Variants in UTRN observed in about 807,000 individuals in gnomAD.
UTRN encodes the protein dystrophin-related protein 1.
Under a neutral mutation model 463.9 loss-of-function variants are expected in UTRN, and 283 were observed. The observed-to-expected ratio is 0.61, with a 90% CI of 0.55 to 0.67. The LOEUF (loss-of-function observed/expected upper bound fraction) is 0.67. Ranked by LOEUF, UTRN falls within the 30% of genes least tolerant of loss-of-function variation. UTRN has a pLI of 0.00. For missense variants in UTRN, 3,922 were observed against 4,084.3 expected (o/e 0.96, Z 1.08); for synonymous variants, 1,442 against 1,431.5 (o/e 1.01, Z -0.17).
At chr6:144,740,842 T>A (rs1187254832) in intron 54 of UTRN, among the ~76,000 whole-genome samples, 2 of 152,258 alleles carry the variant, frequency 1.3e-5, no homozygotes, top group Non-Finnish European at 2.9e-5. Flanking sequence ...ATTTGTTTGA[T>A]AGACATAGCA....
At chr6:144,431,504 C>T (rs1424603021) in intron 9 of UTRN, among the ~76,000 whole-genome samples, 1 of 152,220 alleles carries the variant, frequency 6.6e-6, no homozygotes, top group Non-Finnish European at 1.5e-5. Context: ...ACTTCTTCTG[C>T]CCTGTTCTTT....
intron 73 of UTRN, among the ~76,000 whole-genome samples, chr6:144,846,503 T>C (rs1252131716): frequency 3.9e-5 from 6 of 152,216 alleles, no homozygotes; most frequent in African/African-American, 4.8e-5. Flanking sequence ...ATACACAGTA[T>C]GATTTAAATA....
intron 23 of UTRN, among the ~76,000 whole-genome samples, chr6:144,467,871 A>G (rs1790117319): frequency 6.6e-6 from 1 of 152,108 alleles, no homozygotes; most frequent in African/African-American, 2.4e-5. Flanking sequence ...ATTAGTTTTT[A>G]ATAAGTGTAG....
intron 54 of UTRN, among the ~76,000 whole-genome samples, chr6:144,741,427 G>T (rs1790064357): frequency 6.6e-6 from 1 of 152,160 alleles, no homozygotes; most frequent in African/African-American, 2.4e-5. Context: ...TCTAGTTAAA[G>T]ATATTGTACA....
intron 53 of UTRN, among the ~76,000 whole-genome samples, chr6:144,703,194 T>G (rs1784760788): frequency 6.6e-6 from 1 of 152,126 alleles, no homozygotes; most frequent in Non-Finnish European, 1.5e-5. Flanking sequence ...ATGTCAGAAG[T>G]CAAAGATTTT....
At chr6:144,435,803 T>A (rs1320744409) in intron 9 of UTRN, 132 bp from the exon 10 acceptor site, 1 of 896,790 alleles carries the variant, frequency 1.1e-6, no homozygotes. Flanking sequence ...CAGTGCCCAT[T>A]TGGCTCCTGA....
intron 51 of UTRN, 101 bp from the exon 52 acceptor site, chr6:144,678,305 A>G: frequency 8.9e-7 from 1 of 1,119,170 alleles, no homozygotes; most frequent in Non-Finnish European, 1.2e-6. Context: ...CTTATAATTT[A>G]AGGTGAAATG....
intron 2 of UTRN, among the ~76,000 whole-genome samples, chr6:144,362,044 A>C (rs1253195833): frequency 4.6e-5 from 7 of 152,128 alleles, no homozygotes; most frequent in African/African-American, 1.7e-4. Context: ...CAACAACAAC[A>C]AAAAAAGGAG....
In UTRN at chr6:144,428,894, G is replaced by T; in HGVS notation, c.694+1G>T. ...ATTGAAAAGCTGTTAGATCCTGAAG[G>T]TATTGTCCAGTATTTAATTTCCACC... On this transcript the variant is annotated splice_donor_variant, in intron 8 of 74. Transcript: ENST00000367545. LOFTEE classifies it high-confidence loss of function. 1 of 1,562,766 alleles carries T rather than the reference G, an allele frequency of 6.4e-7. No individual in the cohort carries two copies. The highest frequency in any genetic ancestry group is 8.7e-7 in the Non-Finnish European group (1 of 1,148,808).
intron 2 of UTRN, among the ~76,000 whole-genome samples, chr6:144,384,570 A>G (rs969753450): frequency 5.9e-5 from 9 of 151,656 alleles, no homozygotes; most frequent in African/African-American, 2.2e-4. Context: ...TTAAACAACA[A>G]CTCCTCACTC....
chr6:144,368,173 G>A (rs775631111), intron 2 of UTRN, among the ~76,000 whole-genome samples: 5 of 152,120 alleles, frequency 3.3e-5, no homozygotes, highest in Non-Finnish European at 7.4e-5. Context: ...CTCATAAAAA[G>A]CCATGGTACA....
At chr6:144,532,170 G>T (rs950611833) in intron 42 of UTRN, among the ~76,000 whole-genome samples, 2 of 151,728 alleles carry the variant, frequency 1.3e-5, no homozygotes, top group Non-Finnish European at 2.9e-5. Flanking sequence ...ATGTGTTAAT[G>T]CATTTTTCTT....
chr6:144,329,111 C>T (rs370965408), intron 2 of UTRN, among the ~76,000 whole-genome samples: 41 of 130,400 alleles, frequency 3.1e-4, no homozygotes, highest in Middle Eastern at 5.9e-3. Context: ...GAGATGGAGT[C>T]TCACTCTGTC....
chr6:144,559,010 A>G (rs1203880930), intron 50 of UTRN, among the ~76,000 whole-genome samples: 1 of 152,124 alleles, frequency 6.6e-6, no homozygotes, highest in Non-Finnish European at 1.5e-5. Context: ...AATTCCATGT[A>G]TAAGAGTTAG....
intron 9 of UTRN, among the ~76,000 whole-genome samples, chr6:144,431,619 T>C (rs76574197): frequency 0.019 from 2,885 of 152,260 alleles, 49 homozygotes; most frequent in African/African-American, 0.051. Flanking sequence ...GTCTGAACAT[T>C]TGTGTTTAGA....
At chr6:144,659,634 T>C (rs908939298) in intron 51 of UTRN, among the ~76,000 whole-genome samples, 4 of 152,054 alleles carry the variant, frequency 2.6e-5, no homozygotes, top group Non-Finnish European at 5.9e-5. Context: ...TCCTGTGTTT[T>C]GGTGTTTCTT....
intron 73 of UTRN, 42 bp from the exon 74 acceptor site, chr6:144,846,763 A>G (rs772260531): frequency 1.2e-6 from 2 of 1,613,956 alleles, no homozygotes; most frequent in Admixed American, 3.3e-5. Flanking sequence ...CAACAAAGTA[A>G]CAGGACTGCC....
At chr6:144,683,689 C>T (rs1045279681) in intron 52 of UTRN, among the ~76,000 whole-genome samples, 19 of 152,184 alleles carry the variant, frequency 1.2e-4, no homozygotes, top group Admixed American at 8.5e-4. Flanking sequence ...TTGCCTACTT[C>T]GCTTGAAACT....
At chr6:144,738,693 C>CT (rs2128718405) in intron 54 of UTRN, among the ~76,000 whole-genome samples, 1 of 152,242 alleles carries the variant, frequency 6.6e-6, no homozygotes, top group Non-Finnish European at 1.5e-5. Flanking sequence ...AACACCTGTC[C>CT]TCTTCTTGTG....
Sources: allele counts gnomAD v4.1 joint callset (sites outside exome capture counted in the v4.1 genomes callset), GRCh38; gene constraint gnomAD v4.1.1; transcripts MANE v1.5; gene names NCBI Gene and HGNC (gene_info 2026-07-23, HGNC 2026-07-21).